Variants in SMYD3 observed in about 807,000 individuals in gnomAD.
The protein encoded by SMYD3 is histone-lysine N-methyltransferase SMYD3.
A neutral mutation model predicts 57.7 loss-of-function variants in SMYD3; 36 were observed. The ratio of observed to expected loss-of-function variants is 0.62; its 90% confidence interval spans 0.48 to 0.82. The LOEUF is 0.82. Among genes scored for constraint, SMYD3 ranks in the 40% least tolerant of loss-of-function variants. The pLI is 0.00. For missense variants in SMYD3, 515 were observed against 538.8 expected (o/e 0.96, Z 0.44); for synonymous variants, 211 against 195.0 (o/e 1.08, Z -0.68).
intron 5 of SMYD3, among the ~76,000 whole-genome samples, chr1:246,139,866 G>C (rs567947239): frequency 1.3e-5 from 2 of 152,282 alleles, no homozygotes; most frequent in African/African-American, 4.8e-5. Flanking sequence ...TTTTAAATAT[G>C]CCATGGATAG....
At chr1:246,402,606 G>T (rs1572465784) in intron 1 of SMYD3, among the ~76,000 whole-genome samples, 1 of 152,106 alleles carries the variant, frequency 6.6e-6, no homozygotes, top group East Asian at 1.9e-4. Context: ...GAGGCTAGAA[G>T]CCACTGTGTG....
chr1:245,910,965 G>C (rs1011343698), intron 8 of SMYD3, among the ~76,000 whole-genome samples: 1 of 151,102 alleles, frequency 6.6e-6, no homozygotes. Context: ...ACAACCTATA[G>C]AATTGAAAAA....
chr1:246,437,975 C>A (rs2067404950), intron 1 of SMYD3, among the ~76,000 whole-genome samples: 1 of 152,078 alleles, frequency 6.6e-6, no homozygotes, highest in Non-Finnish European at 1.5e-5. Context: ...TATTCATAGT[C>A]CTCATAATTT....
intron 1 of SMYD3, among the ~76,000 whole-genome samples, chr1:246,485,510 G>A (rs537378920): frequency 3.0e-4 from 45 of 152,288 alleles, no homozygotes; most frequent in Middle Eastern, 3.4e-3. Flanking sequence ...AGCCAGATGC[G>A]GCGGCTCACA....
intron 1 of SMYD3, among the ~76,000 whole-genome samples, chr1:246,476,492 T>G (rs950786900): frequency 2.0e-5 from 3 of 152,236 alleles, no homozygotes; most frequent in African/African-American, 7.2e-5. Context: ...CTGATGCTGC[T>G]GGTCCACAGA....
intron 8 of SMYD3, among the ~76,000 whole-genome samples, chr1:245,911,470 C>G (rs1301366726): frequency 1.3e-5 from 2 of 150,740 alleles, no homozygotes; most frequent in Non-Finnish European, 3.0e-5. Flanking sequence ...ACCTAAATGT[C>G]CATCAATAAG....
At chr1:246,408,403 T>G (rs1237359584) in intron 1 of SMYD3, among the ~76,000 whole-genome samples, 1 of 152,014 alleles carries the variant, frequency 6.6e-6, no homozygotes, top group African/African-American at 2.4e-5. Context: ...TAAAAAGGGG[T>G]TTTGTGCTTA....
At chr1:245,936,314 A>G (rs1482940515) in intron 5 of SMYD3, among the ~76,000 whole-genome samples, 1 of 152,088 alleles carries the variant, frequency 6.6e-6, no homozygotes, top group Non-Finnish European at 1.5e-5. Flanking sequence ...GACATCTCTA[A>G]TATTTGAAAA....
At chr1:246,481,607 TACACATAC>T (rs1419650968) in intron 1 of SMYD3, among the ~76,000 whole-genome samples, 5,663 of 61,968 alleles carry the variant, frequency 0.091, 902 homozygotes, top group African/African-American at 0.27. Flanking sequence ...TATATATATA[TACACATAC>T]ATATATACAT....
At chr1:245,817,442 G>A (rs2048915107) in intron 10 of SMYD3, among the ~76,000 whole-genome samples, 1 of 150,092 alleles carries the variant, frequency 6.7e-6, no homozygotes, top group Non-Finnish European at 1.5e-5. Flanking sequence ...CCACAAAGAT[G>A]GGGAAAAAAC....
chr1:245,869,671 C>T (rs1243445632), intron 8 of SMYD3, among the ~76,000 whole-genome samples: 1 of 152,200 alleles, frequency 6.6e-6, no homozygotes, highest in African/African-American at 2.4e-5. Flanking sequence ...TTGAATACCG[C>T]CCTCCCAGTT....
At chr1:246,427,217 C>T (rs1199229966) in intron 1 of SMYD3, among the ~76,000 whole-genome samples, 1 of 152,138 alleles carries the variant, frequency 6.6e-6, no homozygotes, top group Non-Finnish European at 1.5e-5. Flanking sequence ...AACTTAAAGA[C>T]CTAAAGGACT....
intron 1 of SMYD3, among the ~76,000 whole-genome samples, chr1:246,475,432 C>A (rs1395393839): frequency 1.3e-5 from 2 of 151,544 alleles, no homozygotes; most frequent in African/African-American, 2.4e-5. Context: ...CATTTGAGGT[C>A]GGGAATTCGA....
chr1:246,354,296 T>C (rs1282728924), intron 2 of SMYD3, among the ~76,000 whole-genome samples: 42 of 152,172 alleles, frequency 2.8e-4, no homozygotes, highest in Admixed American at 2.7e-3. Flanking sequence ...TATACATCCT[T>C]TCAAGAATTT....
chr1:246,338,299 T>G, intron 2 of SMYD3, among the ~76,000 whole-genome samples: 1 of 152,220 alleles, frequency 6.6e-6, no homozygotes, highest in East Asian at 1.9e-4. Context: ...CAAAGAAATC[T>G]TTTTACGCAG....
intron 1 of SMYD3, among the ~76,000 whole-genome samples, chr1:246,457,825 A>G (rs1045886844): frequency 6.6e-6 from 1 of 152,258 alleles, no homozygotes; most frequent in African/African-American, 2.4e-5. Context: ...CTACCTCTTC[A>G]GTAAGGCTAT....
At chr1:246,334,484 T>C (rs2065510107) in intron 3 of SMYD3, among the ~76,000 whole-genome samples, 2 of 152,182 alleles carry the variant, frequency 1.3e-5, no homozygotes, top group South Asian at 4.1e-4. Context: ...CCACAGGTTT[T>C]TACTCACAAC....
At chr1:246,401,533 A>C (rs2066768341) in intron 1 of SMYD3, among the ~76,000 whole-genome samples, 3 of 151,978 alleles carry the variant, frequency 2.0e-5, no homozygotes, top group African/African-American at 7.2e-5. Flanking sequence ...GGGTTTCACC[A>C]TGTTGGCGAG....
intron 5 of SMYD3, among the ~76,000 whole-genome samples, chr1:246,088,105 G>T (rs1020992022): frequency 1.3e-5 from 2 of 152,066 alleles, no homozygotes; most frequent in African/African-American, 4.8e-5. Context: ...CTCCAGTGTA[G>T]ACTGTCCCTA....
Sources: allele counts gnomAD v4.1 joint callset (sites outside exome capture counted in the v4.1 genomes callset), GRCh38; gene constraint gnomAD v4.1.1; transcripts MANE v1.5; gene names NCBI Gene and HGNC (gene_info 2026-07-23, HGNC 2026-07-21).